Variants in HRNR observed in about 807,000 individuals in gnomAD.
HRNR encodes filaggrin family member 3.
Under a neutral mutation model 4.8 loss-of-function variants are expected in HRNR, and 7 were observed. That is an observed-to-expected ratio of 1.47 (90% CI 0.83 to 2.75). The LOEUF (loss-of-function observed/expected upper bound fraction) is 2.75. Among genes scored for constraint, HRNR ranks in the 30% most tolerant of loss-of-function variants. The pLI, the probability that HRNR is intolerant of heterozygous loss-of-function variation, is 0.00. For missense variants in HRNR, 2,879 were observed against 3,010.4 expected (o/e 0.96, Z 1.02); for synonymous variants, 1,023 against 1,242.7 (o/e 0.82, Z 3.72).
Position 152,212,938 on chromosome 1 carries a change from A to G in HRNR, c.*138T>C. 1 of 1,209,106 alleles carries G rather than the reference A, an allele frequency of 8.3e-7. No individual in the cohort carries two copies. The highest frequency in any genetic ancestry group is 1.1e-6 in the Non-Finnish European group (1 of 879,884). The allele number at this position is 1,209,106 out of a possible 1,614,324, so 74.9% of individuals were successfully genotyped here. On this transcript the variant is annotated 3_prime_UTR_variant, in exon 3 of 3. Transcript: ENST00000368801. ...GATATATGCTACAGTTTTAGGCTCT[A>G]AAGAAAGAGACAGAAATGCATTGAT...
In HRNR at chr1:152,221,195, C is replaced by G. The variant is rs776608333; in HGVS notation, c.434G>C (p.Arg145Thr). ...TTCAGTCCCAGGTTTAAGACTTCCT[C>G]TGACGTTTCTGGAATAGGAATCATT... ...GENDSYSRNV[R>T]GSLKPGTESI... The change falls in exon 3 of 3, where the codon AGA becomes ACA. Residue 145 changes from arginine to threonine, a missense_variant. By Grantham distance (71) the Arg-to-Thr change is moderately conservative. This residue lies in a region of HRNR where 2,646 missense variants were observed against 1,377.7 expected (regional missense o/e 1.92). Transcript: ENST00000368801. 2 of 1,614,180 alleles carry G rather than the reference C, an allele frequency of 1.2e-6. No individual in the cohort carries two copies. Among genetic ancestry groups the G allele is most frequent in the South Asian group, 1.1e-5 (1 of 91,086 alleles).
In HRNR at chr1:152,219,067, G is replaced by T; in HGVS notation, c.2562C>A (p.Ser854=). 6.2e-7 allele frequency: 1 copy of T among 1,612,174 alleles called. No homozygotes were observed. Among genetic ancestry groups the T allele is most frequent in the Non-Finnish European group, 8.5e-7 (1 of 1,179,486 alleles). ...HGSTSGQSSS[S]GQHDSSSGQS... ...GACCTGAGCTAGAGTCATGTTGGCC[G>T]GAGCTTGATGACTGCCCTGACGTAG... Residue 854 remains serine, a synonymous_variant, in exon 3 of 3, where the codon TCC becomes TCA. Transcript: ENST00000368801.
At position 152,212,779 on chromosome 1, in the gene HRNR, TA is replaced by T; in HGVS notation, c.*296del. On this transcript the variant is annotated 3_prime_UTR_variant, in exon 3 of 3. Coordinates refer to ENST00000368801, the MANE Select transcript of HRNR (RefSeq NM_001009931.3). ...GAGCTCTCAAAAAGACAACTCCAAC[TA>T]AACCCAAAGCTCTTTAAAAGCTTTT... 1 of 431,978 alleles carries T rather than the reference TA, an allele frequency of 2.3e-6. No homozygotes were observed. Among genetic ancestry groups the T allele is most frequent in the Non-Finnish European group, 4.1e-6 (1 of 244,400 alleles). The allele number at this position is 431,978 out of a possible 1,614,324, so 26.8% of individuals were successfully genotyped here.
chr1:152,224,122 G>A lies in HRNR; in HGVS notation c.-26+21C>T, dbSNP rs141779959. The A allele has an allele frequency of 1.8e-4, 28 of 152,182 alleles. No individual in the cohort carries two copies. The East Asian group carries it at 4.2e-3, about 23-fold the overall frequency. 9.4% of individuals were successfully genotyped at this position (152,182 alleles called of 1,614,324 possible). A position where few individuals can be genotyped will look rare whatever the true frequency, so the allele number is the denominator to read the frequency against. On this transcript the variant is annotated intron_variant, in intron 1 of 2. Coordinates refer to ENST00000368801, the MANE Select transcript of HRNR (RefSeq NM_001009931.3). The stretch of plus-strand genomic sequence containing the variant: ...TTTATAGCCCTAAGTACCCTTGAGC[G>A]GAGTTGAACTGCTCACTTACCTAGC...
Position 152,218,840 on chromosome 1 carries a change from G to C in HRNR, c.2789C>G (p.Ser930Cys). The change falls in exon 3 of 3, where the codon TCT becomes TGT. Residue 930 changes from serine (S) to cysteine (C), a missense_variant. This residue lies in a region of HRNR where 2,646 missense variants were observed against 1,377.7 expected (regional missense o/e 1.92). Coordinates refer to ENST00000368801, the MANE Select transcript of HRNR (RefSeq NM_001009931.3). ...TGAGCTAGACTTGTGACCAAAGCCA[G>C]AAGACTGGCCTGAGCCAGACCCATG... ...GRHGSGSGQS[S>C]GFGHKSSSGQ... is the part of the protein sequence containing the mutation. 3.7e-6 allele frequency: 6 copies of C among 1,613,930 alleles called. No individual in the cohort carries two copies. Among genetic ancestry groups the C allele is most frequent in the African/African-American group, 1.3e-5 (1 of 74,976 alleles).
chr1:152,219,369 G>T lies in HRNR; in HGVS notation c.2260C>A (p.Gln754Lys), dbSNP rs752016330. 17 of 1,613,966 alleles carry T rather than the reference G, an allele frequency of 1.1e-5. No homozygotes were observed. Among genetic ancestry groups the T allele is most frequent in the Non-Finnish European group, 1.3e-5 (15 of 1,180,036 alleles). Residue 754 changes from glutamine to lysine, a missense_variant, in exon 3 of 3, where the codon CAG (glutamine) becomes AAG (lysine). Physicochemically the swap from Gln to Lys is moderately conservative, Grantham distance 53. Around this residue, in one of 8 missense-constraint regions of HRNR, gnomAD observed 2,646 missense variants for 1,377.7 expected, o/e 1.92. Coordinates refer to ENST00000368801, the MANE Select transcript of HRNR (RefSeq NM_001009931.3). ...GATTGATGGGAGCCCGACCCATGCT[G>T]ACCATAGCTGGAAGACAAACCTGAG... Reference protein sequence around the residue: ...SSSGLSSSYGQHGSGSHQSSG... With the variant: ...SSSGLSSSYGKHGSGSHQSSG...
chr1:152,221,144 T>C lies in HRNR; in HGVS notation c.485A>G (p.Gln162Arg), dbSNP rs549314839. 4 of 1,614,214 alleles carry C rather than the reference T, an allele frequency of 2.5e-6. No individual in the cohort carries two copies. The African/African-American group carries it at 5.3e-5, about 22-fold the overall frequency. Reference protein sequence around the residue: ...TESISRRLSFQRDFSGQHNSY... With the variant: ...TESISRRLSFRRDFSGQHNSY... ...GTTATGTTGGCCAGAAAAGTCTCTT[T>C]GAAAACTCAGTCTTCTGGATATGGA... The change falls in exon 3 of 3, where the codon CAA (glutamine) becomes CGA (arginine). Residue 162 changes from glutamine to arginine, a missense_variant. Gln to Arg is a conservative substitution (Grantham distance 43, BLOSUM62 1). Coordinates refer to ENST00000368801, the MANE Select transcript of HRNR (RefSeq NM_001009931.3).
At position 152,218,927 on chromosome 1, in the gene HRNR, C is replaced by T. The variant is rs145270019; in HGVS notation, c.2702G>A (p.Gly901Glu). 6.3e-5 allele frequency: 102 copies of T among 1,613,778 alleles called. No homozygotes were observed. Among genetic ancestry groups the T allele is most frequent in the Admixed American group, 1.2e-4 (7 of 60,002 alleles). ...ATGTCGGCCATAGCTGGGAGACTGC[C>T]CTGACCCAGACCCACGCTGGCCGTG... ...PGHGQRGSGS[G>E]QSPSYGRHGS... Residue 901 changes from glycine (G) to glutamate (E), a missense_variant, in exon 3 of 3, where the codon GGG becomes GAG. Around this residue, in one of 8 missense-constraint regions of HRNR, gnomAD observed 2,646 missense variants for 1,377.7 expected, o/e 1.92. Transcript: ENST00000368801.
At chr1:152,221,655 A>G (rs1042018229) in intron 2 of HRNR, among the ~76,000 whole-genome samples, 165 bp from the exon 3 acceptor site, 4 of 152,226 alleles carry the variant, frequency 2.6e-5, no homozygotes, top group Non-Finnish European at 4.4e-5. Flanking sequence ...AGAAAGAGAA[A>G]AAGGAATATG....
chr1:152,220,209 G>T lies in HRNR; in HGVS notation c.1420C>A (p.His474Asn), dbSNP rs1192909262. The change falls in exon 3 of 3, where the codon CAT (histidine) becomes AAT (asparagine). Residue 474 changes from histidine (H) to asparagine (N), a missense_variant. Physicochemically the swap from His to Asn is moderately conservative, Grantham distance 68 (BLOSUM62 1). This residue lies in a region of HRNR where 2,646 missense variants were observed against 1,377.7 expected (regional missense o/e 1.92). Transcript: ENST00000368801. ...CCATGCTGAGTGTAACCAGAGGAAT[G>T]CTCTGAGCTAGACTCGTGGTGACCA... ...GFGHHESSSE[H>N]SSGYTQHGSG... 2 of 1,613,840 alleles carry T rather than the reference G, an allele frequency of 1.2e-6. No homozygotes were observed. Among genetic ancestry groups the T allele is most frequent in the African/African-American group, 1.3e-5 (1 of 75,010 alleles).
In HRNR at chr1:152,220,906, G is replaced by T. The variant is rs775099464; in HGVS notation, c.723C>A (p.Ser241=). The change falls in exon 3 of 3, where the codon TCC becomes TCA. Residue 241 remains serine, a synonymous_variant. Coordinates refer to ENST00000368801, the MANE Select transcript of HRNR (RefSeq NM_001009931.3). ...CAGATCCATGCTGACTGTAACCAGA[G>T]GACTGCCCTGAGCTAGACTTGTGTT... ...FSQHKSSSGQ[S]SGYSQHGSGS... 2 of 1,614,046 alleles carry T rather than the reference G, an allele frequency of 1.2e-6. No individual in the cohort carries two copies. Among genetic ancestry groups the T allele is most frequent in the South Asian group, 2.2e-5 (2 of 91,082 alleles).
Position 152,213,043 on chromosome 1 carries a change from G to A in HRNR, c.*33C>T, listed in dbSNP as rs1328870016. ...AGATGACTTTCCTATTTCTTAAATT[G>A]CTACTTGAGTAAATTGCATTTATGT... On this transcript the variant is annotated 3_prime_UTR_variant, in exon 3 of 3. Transcript: ENST00000368801. 3 of 1,580,824 alleles carry A rather than the reference G, an allele frequency of 1.9e-6. No individual in the cohort carries two copies. The highest frequency in any genetic ancestry group is 2.6e-6 in the Non-Finnish European group (3 of 1,163,892).
chr1:152,220,383 G>T lies in HRNR; in HGVS notation c.1246C>A (p.His416Asn). 6.2e-7 allele frequency: 1 copy of T among 1,613,922 alleles called. No individual in the cohort carries two copies. The highest frequency in any genetic ancestry group is 8.5e-7 in the Non-Finnish European group (1 of 1,179,896). ...GGAGACTGGCCAGATCCAGAGCTGT[G>T]TTGGCCGCGGCCTGAAGAGTGACGG... ...ASRHSSGRGQ[H>N]SSGSGQSPGH... The change falls in exon 3 of 3, where the codon CAC (histidine) becomes AAC (asparagine). Residue 416 changes from histidine to asparagine, a missense_variant. Physicochemically the swap from His to Asn is moderately conservative, Grantham distance 68. Transcript: ENST00000368801.
chr1:152,212,802 T>A lies in HRNR; in HGVS notation c.*274A>T. 2.0e-6 allele frequency: 1 copy of A among 502,048 alleles called. No homozygotes were observed. 31.1% of individuals were successfully genotyped at this position (502,048 alleles called of 1,614,324 possible). Reference sequence around the variant, plus strand: ...ACTAAACCCAAAGCTCTTTAAAAGCTTTTCATTATTCCTCAAAGTTTAACC... The same window carrying A: ...ACTAAACCCAAAGCTCTTTAAAAGCATTTCATTATTCCTCAAAGTTTAACC... On this transcript the variant is annotated 3_prime_UTR_variant, in exon 3 of 3. Coordinates refer to ENST00000368801, the MANE Select transcript of HRNR (RefSeq NM_001009931.3).
Position 152,219,016 on chromosome 1 carries a change from C to T in HRNR, c.2613G>A (p.Glu871=). The part of the protein sequence containing the change: ...SGQSSSYGQH[E]SASHHASGRG... ...GGCCCGAAGCGTGATGGGAGGCAGA[C>T]TCATGCTGACCATAGCTGGAAGATT... The change falls in exon 3 of 3, where the codon GAG becomes GAA. Residue 871 remains glutamate (E), a synonymous_variant. Coordinates refer to ENST00000368801, the MANE Select transcript of HRNR (RefSeq NM_001009931.3). 1.9e-6 allele frequency: 3 copies of T among 1,613,906 alleles called. No individual in the cohort carries two copies. The highest frequency in any genetic ancestry group is 2.5e-6 in the Non-Finnish European group (3 of 1,179,982).
At position 152,219,081 on chromosome 1, in the gene HRNR, G is replaced by T; in HGVS notation, c.2548C>A (p.Gln850Lys). 2 of 1,613,904 alleles carry T rather than the reference G, an allele frequency of 1.2e-6. No homozygotes were observed. The highest frequency in any genetic ancestry group is 1.1e-5 in the South Asian group (1 of 91,072). The part of the protein sequence containing the change: ...SQGRHGSTSG[Q>K]SSSSGQHDSS... ...TCATGTTGGCCGGAGCTTGATGACT[G>T]CCCTGACGTAGATCCATGTCGTCCC... The change falls in exon 3 of 3, where the codon CAG becomes AAG. Residue 850 changes from glutamine to lysine, a missense_variant. Physicochemically the swap from Gln to Lys is moderately conservative, Grantham distance 53. Transcript: ENST00000368801.
Position 152,220,400 on chromosome 1 carries a change from G to T in HRNR, c.1229C>A (p.Ser410Tyr). The T allele has an allele frequency of 1.9e-6, 3 of 1,614,180 alleles. No individual in the cohort carries two copies. The highest frequency in any genetic ancestry group is 1.3e-5 in the African/African-American group (1 of 75,040). ...AGAGCTGTGTTGGCCGCGGCCTGAAGAGTGACGGGAGGCAGACTCATGCTG... is the reference window on the plus strand; with the variant it reads ...AGAGCTGTGTTGGCCGCGGCCTGAATAGTGACGGGAGGCAGACTCATGCTG... ...YGQHESASRH[S>Y]SGRGQHSSGS... The change falls in exon 3 of 3, where the codon TCT becomes TAT. Residue 410 changes from serine (S) to tyrosine (Y), a missense_variant. Coordinates refer to ENST00000368801, the MANE Select transcript of HRNR (RefSeq NM_001009931.3).
chr1:152,223,174 G>A lies in HRNR; in HGVS notation c.80C>T (p.Thr27Met), dbSNP rs762320978. 1.1e-5 allele frequency: 17 copies of A among 1,613,436 alleles called. No individual in the cohort carries two copies. The highest frequency in any genetic ancestry group is 3.3e-5 in the South Asian group (3 of 91,038). ...TTCTTTCAGCTCTGCCTTGTTCAAC[G>A]TATCATACTCCCCATGCTGGGTGGC... ...QYATQHGEYD[T>M]LNKAELKELL... is the part of the protein sequence containing the mutation. Residue 27 changes from threonine (T) to methionine (M), a missense_variant, in exon 2 of 3, where the codon ACG becomes ATG. Thr to Met is a moderately conservative substitution (Grantham distance 81). Transcript: ENST00000368801.
rs778106352 is a variant in HRNR, at chr1:152,218,387, G to T, written c.3242C>A (p.Ser1081Tyr). The change falls in exon 3 of 3, where the codon TCT becomes TAT. Residue 1081 changes from serine (S) to tyrosine (Y), a missense_variant. By Grantham distance (144) the Ser-to-Tyr change is moderately radical. Transcript: ENST00000368801. Reference protein sequence around the residue: ...GHSSTHGQHGSTSGQSSSCGQ... With the variant: ...GHSSTHGQHGYTSGQSSSCGQ... ...ACAGCTCGATGACTGTCCTGATGTA[G>T]AACCGTGTTGCCCATGGGTAGAGGA... 1.9e-6 allele frequency: 3 copies of T among 1,612,816 alleles called. No individual in the cohort carries two copies. The highest frequency in any genetic ancestry group is 1.1e-5 in the South Asian group (1 of 91,054).
Sources: allele counts gnomAD v4.1 joint callset (sites outside exome capture counted in the v4.1 genomes callset), GRCh38; gene constraint gnomAD v4.1.1; regional missense constraint gnomAD v4.1.1; transcripts MANE v1.5; gene names NCBI Gene and HGNC (gene_info 2026-07-23, HGNC 2026-07-21).